The following ZNF208 variants were observed in gnomAD, a reference collection of about 807,000 sequenced individuals.
The protein encoded by ZNF208 is zinc finger protein 208, also known as zinc finger protein 95.
In ZNF208, 10 loss-of-function variants were observed where a neutral mutation model predicts 12.1. The ratio of observed to expected loss-of-function variants is 0.83; its 90% confidence interval spans 0.51 to 1.40. ZNF208 has a LOEUF of 1.40. Ranked by LOEUF, ZNF208 falls within the 40% of genes most tolerant of loss-of-function variation. The pLI is 0.00. For synonymous variants in ZNF208, 497 were observed against 488.4 expected (o/e 1.02, Z -0.23); for missense variants, 1,652 against 1,485.0 (o/e 1.11, Z -1.85).
Position 22,004,506 on chromosome 19 carries a change from C to A in ZNF208, c.3+6286G>T, listed in dbSNP as rs114376748. 5.7e-3 allele frequency among the ~76,000 whole-genome samples: 865 copies of A among 152,138 alleles called. 1 individual carries two copies. Among genetic ancestry groups the A allele is most frequent in the African/African-American group, 0.019 (807 of 41,502 alleles). On this transcript the variant is annotated intron_variant, in intron 1 of 3. Coordinates refer to ENST00000397126, the MANE Select transcript of ZNF208 (RefSeq NM_007153.3). ...CCAGCCTGAGTGACACAGCAAGATT[C>A]CATCTCAAACCAAACAAACAAACAA...
intron 1 of ZNF208, among the ~76,000 whole-genome samples, chr19:22,000,129 CAAGCACT>C (rs368922962): frequency 3.9e-5 from 6 of 152,316 alleles, no homozygotes; most frequent in African/African-American, 1.4e-4. Context: ...CTACATCTGA[CAAGCACT>C]AATGGACAGA....
chr19:21,981,170 A>C (rs959844592), intron 3 of ZNF208, among the ~76,000 whole-genome samples: 1 of 152,158 alleles, frequency 6.6e-6, no homozygotes. Flanking sequence ...AACTATTCCC[A>C]ACAATGGAAA....
Position 21,972,629 on chromosome 19 carries a change from T to G in ZNF208, c.2405A>C (p.Glu802Ala), listed in dbSNP as rs775803252. ...LIKHKRIHTD[E>A]KPYKCEECGK... is the part of the protein sequence containing the mutation. ...ACATTCTTCACATTTGTAGGGTTTC[T>G]CATCAGTATGAATTCTCTTATGTTT... The change falls in exon 4 of 4, where the codon GAG (glutamate) becomes GCG (alanine). Residue 802 changes from glutamate (E) to alanine (A), a missense_variant. Glu to Ala is a moderately radical substitution (Grantham distance 107, BLOSUM62 -1). Transcript: ENST00000397126. The G allele has an allele frequency of 8.1e-6, 13 of 1,613,322 alleles. No homozygotes were observed. The highest frequency in any genetic ancestry group is 3.3e-4 in the Middle Eastern group (2 of 6,078).
At chr19:21,982,398 C>A (rs1040151232) in intron 3 of ZNF208, among the ~76,000 whole-genome samples, 11 of 149,150 alleles carry the variant, frequency 7.4e-5, no homozygotes, top group African/African-American at 2.7e-4. Context: ...CATGCTCGTG[C>A]ATAGAAAGAA....
intron 4 of ZNF208, among the ~76,000 whole-genome samples, chr19:21,956,240 G>T (rs191466378): frequency 7.9e-5 from 12 of 152,124 alleles, no homozygotes; most frequent in African/African-American, 2.7e-4. Flanking sequence ...GGTGTCAGTC[G>T]GCCCCTACTG....
intron 4 of ZNF208, among the ~76,000 whole-genome samples, chr19:21,947,359 T>C (rs1969830377): frequency 6.6e-6 from 1 of 152,214 alleles, no homozygotes; most frequent in Non-Finnish European, 1.5e-5. Flanking sequence ...TTGTTTGTTC[T>C]GGGGCATATG....
chr19:21,950,183 G>T (rs114780139), intron 4 of ZNF208, among the ~76,000 whole-genome samples: 7,914 of 152,188 alleles, frequency 0.052, 692 homozygotes, highest in African/African-American at 0.18. Context: ...TATTCAGAAA[G>T]CCTTTCTATT....
At chr19:21,946,832 A>G (rs994132817) in intron 4 of ZNF208, among the ~76,000 whole-genome samples, 4 of 152,140 alleles carry the variant, frequency 2.6e-5, no homozygotes, top group African/African-American at 7.2e-5. Flanking sequence ...AGGAGGTCCT[A>G]TGGCAACTGA....
chr19:21,961,974 A>G (rs953485043), downstream of ZNF208, among the ~76,000 whole-genome samples: 5 of 152,184 alleles, frequency 3.3e-5, no homozygotes, highest in African/African-American at 1.2e-4. Flanking sequence ...TTAGCTTAGG[A>G]AGATAACAGG....
chr19:22,003,101 T>C (rs1480678627), intron 1 of ZNF208, among the ~76,000 whole-genome samples: 1 of 152,160 alleles, frequency 6.6e-6, no homozygotes, highest in Non-Finnish European at 1.5e-5. Flanking sequence ...TGGGAAGAAT[T>C]TCCTATTTAA....
chr19:21,941,739 A>C (rs1207482040), intron 4 of ZNF208, among the ~76,000 whole-genome samples: 1 of 152,198 alleles, frequency 6.6e-6, no homozygotes, highest in African/African-American at 2.4e-5. Flanking sequence ...CAAAGTAACA[A>C]ATAATGTATC....
At chr19:21,963,458 T>G (rs1568438628), downstream of ZNF208, among the ~76,000 whole-genome samples, 2 of 152,048 alleles carry the variant, frequency 1.3e-5, no homozygotes, top group Admixed American at 1.3e-4. Context: ...CAGTAATTAC[T>G]CTGAACATAG....
intron 1 of ZNF208, chr19:21,998,847 T>C (rs1386687545): frequency 6.6e-6 from 1 of 152,218 alleles, no homozygotes; most frequent in African/African-American, 2.4e-5. Context: ...AGCACTTTTT[T>C]ATAAAAATTG....
At chr19:21,940,730 G>C (rs1969724554) in intron 4 of ZNF208, 1 of 152,314 alleles carries the variant, frequency 6.6e-6, no homozygotes, top group Non-Finnish European at 1.5e-5. Context: ...GAGCCTGCCC[G>C]GCCCAGCCCC....
At position 21,969,720 on chromosome 19, in the gene ZNF208, T is replaced by C. The variant is rs1474173442; in HGVS notation, c.*1471A>G. 6.7e-6 allele frequency among the ~76,000 whole-genome samples: 1 copy of C among 149,268 alleles called. No individual in the cohort carries two copies. The highest frequency in any genetic ancestry group is 1.5e-5 in the Non-Finnish European group (1 of 66,950). ...AAAATGTGTACAATAAAATCTGTGA[T>C]ACAAGTACATGTACTACAACCCTCT... On this transcript the variant is annotated 3_prime_UTR_variant, in exon 4 of 4. Coordinates refer to ENST00000397126, the MANE Select transcript of ZNF208 (RefSeq NM_007153.3).
intron 4 of ZNF208, among the ~76,000 whole-genome samples, chr19:21,956,297 AG>A (rs1206013771): frequency 6.8e-6 from 1 of 147,560 alleles, no homozygotes; most frequent in African/African-American, 2.6e-5. Flanking sequence ...GACCCAATTG[AG>A]GAGGCAGTCT....
chr19:21,961,274 G>C (rs532382440), downstream of ZNF208, among the ~76,000 whole-genome samples: 1 of 152,134 alleles, frequency 6.6e-6, no homozygotes, highest in East Asian at 1.9e-4. Context: ...CACAAATCCA[G>C]CAAGTTTTTA....
At chr19:22,005,475 A>G (rs4592778) in intron 1 of ZNF208, among the ~76,000 whole-genome samples, 88,473 of 151,190 alleles carry the variant, frequency 0.59, 26,078 homozygotes, top group East Asian at 0.69. Context: ...TCTGGCACCA[A>G]ATCTGCAGAG....
intron 3 of ZNF208, among the ~76,000 whole-genome samples, chr19:21,979,247 G>A (rs969561006): frequency 3.9e-5 from 6 of 152,084 alleles, no homozygotes; most frequent in African/African-American, 1.4e-4. Flanking sequence ...GATGCTCCTC[G>A]AGAAGAGCAA....
Sources: gnomAD v4.1 joint callset for allele counts (sites outside exome capture counted in the v4.1 genomes callset) on GRCh38, gnomAD v4.1.1 for gene constraint, MANE v1.5 for transcripts, NCBI Gene and HGNC (gene_info 2026-07-23, HGNC 2026-07-21) for gene names.